The following C1orf146 variants were observed in gnomAD, a reference collection of about 807,000 sequenced individuals.
The protein encoded by C1orf146 is protein SPO16 homolog.
In C1orf146, 22 loss-of-function variants were observed where a neutral mutation model predicts 23.0. That is an observed-to-expected ratio of 0.96 (90% confidence interval 0.68 to 1.36). The LOEUF (loss-of-function observed/expected upper bound fraction) is 1.36. Among genes scored for constraint, C1orf146 ranks in the 40% most tolerant of loss-of-function variants. C1orf146 has a pLI of 0.00. For synonymous variants in C1orf146, 59 were observed against 65.3 expected (o/e 0.90, Z 0.47); for missense variants, 199 against 206.8 (o/e 0.96, Z 0.23).
At position 92,235,030 on chromosome 1, in the gene C1orf146, A is replaced by C. The variant is rs1465126770; in HGVS notation, c.66+3544A>C. On this transcript the variant is annotated intron_variant, in intron 2 of 5. Transcript: ENST00000370375. ...TTTCTTTTAGTCTTGCTAGCGGTCTATCAATTTTGTTGATCCTTTCAAAAA... is the reference window on the plus strand; with the variant it reads ...TTTCTTTTAGTCTTGCTAGCGGTCTCTCAATTTTGTTGATCCTTTCAAAAA... Among the ~76,000 whole-genome samples, 14 of 152,048 alleles carry C rather than the reference A, an allele frequency of 9.2e-5. No homozygotes were observed. In the South Asian group the frequency reaches 1.5e-3, roughly 16 times the overall value.
intron 5 of C1orf146, 51 bp downstream of exon 5, chr1:92,244,908 T>TA: frequency 9.7e-7 from 1 of 1,029,664 alleles, no homozygotes; most frequent in Non-Finnish European, 1.5e-6. Context: ...TTAAGGTTTT[T>TA]AACTTCCAAT....
intron 2 of C1orf146, among the ~76,000 whole-genome samples, chr1:92,241,187 CTTATTATTATTA>C (rs146597980): frequency 0.032 from 4,552 of 142,604 alleles, 195 homozygotes; most frequent in African/African-American, 0.098. Flanking sequence ...CTCCAAGTTG[CTTATTATTATTA>C]TTATTATTAT....
intron 5 of C1orf146, 92 bp from the exon 6 acceptor site, chr1:92,245,448 C>A: frequency 1.0e-6 from 1 of 965,870 alleles, no homozygotes; most frequent in Non-Finnish European, 1.6e-6. Flanking sequence ...AAGAGATTTG[C>A]TGAAAGAATG....
rs116162157 is a variant in C1orf146, at chr1:92,225,427, A to G, written c.-39-5955A>G. The stretch of plus-strand genomic sequence containing the variant: ...CAGCCTAATTTAGTCTTTTAAAGCT[A>G]TGTGTTTCCCTCTAAGTACTCCTTT... On this transcript the variant is annotated intron_variant, in intron 1 of 5. Coordinates refer to ENST00000370375, the MANE Select transcript of C1orf146 (RefSeq NM_001012425.2). 4.9e-3 allele frequency among the ~76,000 whole-genome samples: 753 copies of G among 152,250 alleles called. 3 individuals are homozygous for G. The highest frequency in any genetic ancestry group is 0.017 in the African/African-American group (704 of 41,550).
At chr1:92,218,258 G>C (rs556896137) in intron 1 of C1orf146, among the ~76,000 whole-genome samples, 1 of 152,276 alleles carries the variant, frequency 6.6e-6, no homozygotes, top group East Asian at 1.9e-4. Context: ...TTCCCTGTCA[G>C]AAGTCCGTCA....
Position 92,229,250 on chromosome 1 carries a change from T to C in C1orf146, c.-39-2132T>C, listed in dbSNP as rs137972557. ...ACATGGTGGTGCCGCTGGACAGCAC[T>C]GTGTTGGCGTACAGGTCTTTGAAGA... On this transcript the variant is annotated intron_variant, in intron 1 of 5. Coordinates refer to ENST00000370375, the MANE Select transcript of C1orf146 (RefSeq NM_001012425.2). The C allele has an allele frequency of 1.6e-5, 9 of 556,498 alleles. No homozygotes were observed. In the East Asian group the frequency reaches 4.2e-4, roughly 26 times the overall value. 34.5% of individuals were successfully genotyped at this position (556,498 alleles called of 1,614,324 possible). A position where few individuals can be genotyped will look rare whatever the true frequency, so the allele number is the denominator to read the frequency against.
In C1orf146 at chr1:92,245,701, G is replaced by GAC. The variant is rs748860024; in HGVS notation, c.*28_*29insCA. On this transcript the variant is annotated 3_prime_UTR_variant, in exon 6 of 6. Coordinates refer to ENST00000370375, the MANE Select transcript of C1orf146 (RefSeq NM_001012425.2). The stretch of plus-strand genomic sequence containing the variant: ...GTACCAACTTAATGTTTTTCTCGAA[G>GAC]AATGTGAAAATAATTAGACCTGTTA... The GAC allele has an allele frequency of 6.9e-7, 1 of 1,451,790 alleles. No individual in the cohort carries two copies. Among genetic ancestry groups the GAC allele is most frequent in the Non-Finnish European group, 9.3e-7 (1 of 1,077,696 alleles). The allele number at this position is 1,451,790 out of a possible 1,614,324, so 89.9% of individuals were successfully genotyped here.
At chr1:92,225,354 G>A (rs956633795) in intron 1 of C1orf146, among the ~76,000 whole-genome samples, 3 of 152,096 alleles carry the variant, frequency 2.0e-5, no homozygotes, top group African/African-American at 7.2e-5. Context: ...CAGTACACTG[G>A]CCTTGGCTCC....
intron 1 of C1orf146, among the ~76,000 whole-genome samples, chr1:92,229,796 A>G (rs150562222): frequency 1.3e-5 from 2 of 152,320 alleles, no homozygotes; most frequent in East Asian, 3.9e-4. Flanking sequence ...ACTGATATCT[A>G]TAATATACAA....
intron 2 of C1orf146, among the ~76,000 whole-genome samples, chr1:92,232,243 A>G (rs1023771805): frequency 2.0e-5 from 3 of 150,052 alleles, no homozygotes; most frequent in East Asian, 2.0e-4. Context: ...ATATCTCCCA[A>G]TGCTATCCGT....
chr1:92,225,520 C>A (rs1325839626), intron 1 of C1orf146, among the ~76,000 whole-genome samples: 1 of 152,118 alleles, frequency 6.6e-6, no homozygotes, highest in African/African-American at 2.4e-5. Context: ...GCCTAACATC[C>A]ATTATGATTT....
At chr1:92,226,816 C>T (rs1384431717) in intron 1 of C1orf146, among the ~76,000 whole-genome samples, 1 of 152,076 alleles carries the variant, frequency 6.6e-6, no homozygotes, top group Non-Finnish European at 1.5e-5. Flanking sequence ...CTATTTGTCC[C>T]TCAAGTTATA....
chr1:92,234,262 G>A (rs1054673671), intron 2 of C1orf146, among the ~76,000 whole-genome samples: 1 of 150,370 alleles, frequency 6.7e-6, no homozygotes, highest in Non-Finnish European at 1.5e-5. Context: ...ATAGATAGCT[G>A]TTATTATTTT....
At chr1:92,226,575 A>C (rs532791633) in intron 1 of C1orf146, among the ~76,000 whole-genome samples, 1 of 152,330 alleles carries the variant, frequency 6.6e-6, no homozygotes, top group Non-Finnish European at 1.5e-5. Context: ...CATGGATGCA[A>C]GTTAACATAT....
intron 1 of C1orf146, among the ~76,000 whole-genome samples, chr1:92,219,797 G>GGT (rs996025051): frequency 6.6e-6 from 1 of 151,996 alleles, no homozygotes; most frequent in African/African-American, 2.4e-5. Flanking sequence ...TTGAATTATA[G>GGT]GTGTGTGCCA....
intron 2 of C1orf146, among the ~76,000 whole-genome samples, chr1:92,232,905 T>G (rs1192795140): frequency 6.6e-6 from 1 of 152,206 alleles, no homozygotes; most frequent in South Asian, 2.1e-4. Flanking sequence ...CATAAATGTC[T>G]TCTTTTGGGA....
Position 92,244,233 on chromosome 1 carries a change from A to C in C1orf146, c.177A>C (p.Leu59Phe), listed in dbSNP as rs749414740. The C allele has an allele frequency of 2.6e-5, 41 of 1,590,490 alleles. No homozygotes were observed. Among genetic ancestry groups the C allele is most frequent in the Non-Finnish European group, 3.2e-5 (37 of 1,167,018 alleles). ...CTTTCCTAGGAGTTGCATTTTTATTAATGGATACTAAGGAATGTCTTCTGT... is the reference window on the plus strand; with the variant it reads ...CTTTCCTAGGAGTTGCATTTTTATTCATGGATACTAAGGAATGTCTTCTGT... ...IFSLSGVAFL[L>F]MDTKECLLST... The change falls in exon 4 of 6, where the codon TTA becomes TTC. Residue 59 changes from leucine to phenylalanine, a missense_variant. By Grantham distance (22) the Leu-to-Phe change is conservative. Coordinates refer to ENST00000370375, the MANE Select transcript of C1orf146 (RefSeq NM_001012425.2).
At chr1:92,232,340 A>G (rs1266361425) in intron 2 of C1orf146, among the ~76,000 whole-genome samples, 1 of 141,284 alleles carries the variant, frequency 7.1e-6, no homozygotes, top group African/African-American at 2.7e-5. Context: ...ATTTCCACCT[A>G]TGAGTGAGAA....
intron 2 of C1orf146, among the ~76,000 whole-genome samples, chr1:92,237,652 T>C (rs1270398230): frequency 1.3e-5 from 2 of 152,160 alleles, no homozygotes; most frequent in Admixed American, 6.5e-5. Context: ...AATGCAGAAA[T>C]CACCTGTCTT....
Sources: allele counts gnomAD v4.1 joint callset (sites outside exome capture counted in the v4.1 genomes callset), GRCh38; gene constraint gnomAD v4.1.1; transcripts MANE v1.5; gene names NCBI Gene and HGNC (gene_info 2026-07-23, HGNC 2026-07-21).